The following ASIC2 variants were observed in gnomAD, a reference collection of about 807,000 sequenced individuals.
ASIC2 encodes the protein acid-sensing ion channel 2.
Under a neutral mutation model 57.3 loss-of-function variants are expected in ASIC2, and 25 were observed. That is an observed-to-expected ratio of 0.44 (90% CI 0.32 to 0.61). The LOEUF is 0.61. Among genes scored for constraint, ASIC2 ranks in the 20% least tolerant of loss-of-function variants. ASIC2 has a pLI of 0.06. For missense variants in ASIC2, 641 were observed against 738.1 expected (o/e 0.87, Z 1.52); for synonymous variants, 319 against 307.5 (o/e 1.04, Z -0.39).
At chr17:33,190,241 T>C (rs897848578) in intron 1 of ASIC2, among the ~76,000 whole-genome samples, 3 of 152,164 alleles carry the variant, frequency 2.0e-5, no homozygotes, top group Non-Finnish European at 2.9e-5. Flanking sequence ...TATAGTATAA[T>C]GGGTTCACTA....
chr17:33,815,871 A>G (rs1262858051), intron 1 of ASIC2, among the ~76,000 whole-genome samples: 1 of 152,134 alleles, frequency 6.6e-6, no homozygotes, highest in East Asian at 1.9e-4. Context: ...TTATTTTTGA[A>G]TTATTTATTT....
chr17:33,718,642 A>G (rs927212489), intron 1 of ASIC2, among the ~76,000 whole-genome samples: 1 of 152,074 alleles, frequency 6.6e-6, no homozygotes, highest in Non-Finnish European at 1.5e-5. Context: ...TTTTGCTCCC[A>G]CCTTCCTAAC....
At chr17:33,771,550 T>G (rs2142120766) in intron 1 of ASIC2, among the ~76,000 whole-genome samples, 1 of 150,126 alleles carries the variant, frequency 6.7e-6, no homozygotes, top group Admixed American at 6.7e-5. Context: ...TACATTAGTG[T>G]TTTTTTTTTC....
chr17:33,828,755 C>T (rs1027894059), intron 1 of ASIC2, among the ~76,000 whole-genome samples: 14 of 152,154 alleles, frequency 9.2e-5, no homozygotes, highest in South Asian at 2.1e-4. Flanking sequence ...TCATTGCCCA[C>T]GCCCATAATG....
At chr17:33,623,175 G>A (rs1905853331) in intron 1 of ASIC2, among the ~76,000 whole-genome samples, 1 of 152,106 alleles carries the variant, frequency 6.6e-6, no homozygotes, top group Admixed American at 6.5e-5. Context: ...CTCCAGGGCT[G>A]GCTCCAAGAG....
At position 33,525,339 on chromosome 17, in the gene ASIC2, G is replaced by A. The variant is rs1293052443; in HGVS notation, c.556-413272C>T. 2.0e-5 allele frequency among the ~76,000 whole-genome samples: 3 copies of A among 152,126 alleles called. No homozygotes were observed. The East Asian group carries it at 5.8e-4, about 29-fold the overall frequency. On this transcript the variant is annotated intron_variant, in intron 1 of 9. Transcript: ENST00000359872. The stretch of plus-strand genomic sequence containing the variant: ...CCCTTTGTAGCTCACATATCTTGTC[G>A]CTTAGCTGCTGGCTGTTTGTGTGAG...
intron 1 of ASIC2, among the ~76,000 whole-genome samples, chr17:33,115,643 G>A (rs1039488088): frequency 7.9e-5 from 12 of 152,204 alleles, no homozygotes; most frequent in Non-Finnish European, 1.5e-4. Flanking sequence ...TCTCAGAGAG[G>A]TGCTTGGCTT....
At position 33,128,613 on chromosome 17, in the gene ASIC2, G is replaced by A. The variant is rs928278285; in HGVS notation, c.709-16546C>T. ...TGTGGGGAGTTTTGGAGTGGGGGTG[G>A]CCCTTCAGAGCTGTCCTGGATTGAG... is the stretch of plus-strand genomic sequence containing the variant. On this transcript the variant is annotated intron_variant, in intron 1 of 9. Transcript: ENST00000225823. Among the ~76,000 whole-genome samples the A allele has an allele frequency of 4.6e-5, 7 of 152,166 alleles. No individual in the cohort carries two copies. In the East Asian group the frequency reaches 1.4e-3, roughly 29 times the overall value.
intron 1 of ASIC2, among the ~76,000 whole-genome samples, chr17:33,882,160 G>A (rs2077831719): frequency 1.3e-5 from 2 of 152,126 alleles, no homozygotes; most frequent in Non-Finnish European, 1.5e-5. Flanking sequence ...AAAAACCCTA[G>A]AAGAAAACCT....
At chr17:33,548,658 T>C (rs1240431069) in intron 1 of ASIC2, among the ~76,000 whole-genome samples, 1 of 152,110 alleles carries the variant, frequency 6.6e-6, no homozygotes, top group African/African-American at 2.4e-5. Context: ...GCCCTTACCA[T>C]TGCATAAATT....
intron 1 of ASIC2, among the ~76,000 whole-genome samples, chr17:33,115,862 G>A (rs2092278943): frequency 6.6e-6 from 1 of 152,194 alleles, no homozygotes. Context: ...ATGAATGAAT[G>A]AATGAGAGTC....
chr17:34,055,701 G>A lies in ASIC2; in HGVS notation c.555+100277C>T, dbSNP rs563496833. Among the ~76,000 whole-genome samples, 176 of 152,250 alleles carry A rather than the reference G, an allele frequency of 1.2e-3. 2 individuals are homozygous for A. Among genetic ancestry groups the A allele is most frequent in the African/African-American group, 3.9e-3 (160 of 41,544 alleles). On this transcript the variant is annotated intron_variant, in intron 1 of 9. Transcript: ENST00000359872. ...TTTAAAATTCATTTATGTTGTGTGTGTCAGTAGTTTGCTTTTTAAAAACTG... is the reference window on the plus strand; with the variant it reads ...TTTAAAATTCATTTATGTTGTGTGTATCAGTAGTTTGCTTTTTAAAAACTG...
At chr17:33,468,732 G>A (rs573523080) in intron 1 of ASIC2, among the ~76,000 whole-genome samples, 3 of 151,028 alleles carry the variant, frequency 2.0e-5, no homozygotes, top group South Asian at 2.1e-4. Context: ...AAGAAAAACT[G>A]AGGGTTAAAA....
intron 1 of ASIC2, among the ~76,000 whole-genome samples, chr17:33,674,845 C>G (rs919093873): frequency 1.3e-5 from 2 of 152,168 alleles, no homozygotes; most frequent in East Asian, 3.8e-4. Flanking sequence ...CTGTCTTAGG[C>G]CCTGCATTTG....
At chr17:33,689,196 C>T (rs1005055015) in intron 1 of ASIC2, 7 of 152,180 alleles carry the variant, frequency 4.6e-5, no homozygotes, top group Non-Finnish European at 1.0e-4. Flanking sequence ...GTTTACTTTT[C>T]CCCCTTAGAT....
chr17:34,116,440 G>C (rs1002715179), intron 1 of ASIC2, among the ~76,000 whole-genome samples: 1 of 152,152 alleles, frequency 6.6e-6, no homozygotes, highest in African/African-American at 2.4e-5. Context: ...ACCCTGCTCT[G>C]AGTAAAGGCT....
intron 1 of ASIC2, among the ~76,000 whole-genome samples, chr17:33,912,438 C>A (rs377089581): frequency 6.6e-6 from 1 of 151,744 alleles, no homozygotes; most frequent in Non-Finnish European, 1.5e-5. Context: ...GCTGAGATGG[C>A]GCCACTGCAC....
intron 1 of ASIC2, among the ~76,000 whole-genome samples, chr17:33,337,022 G>A (rs1480760088): frequency 2.0e-5 from 3 of 152,058 alleles, no homozygotes; most frequent in South Asian, 2.1e-4. Flanking sequence ...GTCCAGCTCC[G>A]TTTCTTCTAA....
intron 1 of ASIC2, among the ~76,000 whole-genome samples, chr17:33,126,928 C>T (rs969238032): frequency 8.2e-6 from 1 of 121,892 alleles, no homozygotes; most frequent in Non-Finnish European, 1.6e-5. Flanking sequence ...ACTGCAGTGG[C>T]GCAATCTCGG....
Sources: gnomAD v4.1 joint callset for allele counts (sites outside exome capture counted in the v4.1 genomes callset) on GRCh38, gnomAD v4.1.1 for gene constraint, MANE v1.5 for transcripts, NCBI Gene and HGNC (gene_info 2026-07-23, HGNC 2026-07-21) for gene names.